The following NDUFAF6 variants were observed in gnomAD, a reference collection of about 807,000 sequenced individuals.
NDUFAF6 encodes NADH dehydrogenase (ubiquinone) complex I, assembly factor 6.
NDUFAF6 carries 45 observed loss-of-function variants against 40.8 expected under a neutral mutation model. That is an observed-to-expected ratio of 1.10 (90% confidence interval 0.87 to 1.42). The LOEUF (loss-of-function observed/expected upper bound fraction) is 1.42. Among genes scored for constraint, NDUFAF6 ranks in the 40% most tolerant of loss-of-function variants. The pLI is 0.00. For missense variants in NDUFAF6, 435 were observed against 418.5 expected, an observed-to-expected ratio of 1.04 and a Z score of -0.34; for synonymous variants, 185 against 155.9, an observed-to-expected ratio of 1.19 and a Z score of -1.39.
At position 95,109,924 on chromosome 8, in the gene NDUFAF6, C is replaced by A. The variant is rs147155430; in HGVS notation, n.345-5612C>A. On this transcript the variant is annotated intron_variant and non_coding_transcript_variant, in intron 4 of 5. Transcript: ENST00000523184. Reference sequence around the variant, plus strand: ...ACAAAAAAATTGTGAAGTTGTGTACCAGTATGTTCTTATAAGTATTCTTCT... The same window carrying A: ...ACAAAAAAATTGTGAAGTTGTGTACAAGTATGTTCTTATAAGTATTCTTCT... Among the ~76,000 whole-genome samples, 335 of 152,228 alleles carry A rather than the reference C, an allele frequency of 2.2e-3. 3 individuals are homozygous for A. The highest frequency in any genetic ancestry group is 7.7e-3 in the African/African-American group (319 of 41,552).
At chr8:94,970,524 G>C (rs933061222) in intron 1 of NDUFAF6, among the ~76,000 whole-genome samples, 1 of 152,044 alleles carries the variant, frequency 6.6e-6, no homozygotes, top group Non-Finnish European at 1.5e-5. Context: ...CTAGGAGTTC[G>C]AGGTTATAGT....
At chr8:94,988,293 A>G (rs993114195) in intron 2 of NDUFAF6, 5 of 152,178 alleles carry the variant, frequency 3.3e-5, no homozygotes, top group African/African-American at 1.2e-4. Flanking sequence ...CTAAACTGTG[A>G]TGGTTGTTGA....
At chr8:94,934,581 C>T (rs768958476) in intron 1 of NDUFAF6, among the ~76,000 whole-genome samples, 8 of 151,950 alleles carry the variant, frequency 5.3e-5, no homozygotes, top group Non-Finnish European at 1.2e-4. Context: ...GGGGTTTTGC[C>T]ATGTTGTCCA....
chr8:95,057,769 T>C (rs777071871), intron 8 of NDUFAF6, 40 bp from the exon 9 acceptor site: 26 of 1,472,332 alleles, frequency 1.8e-5, no homozygotes, highest in Non-Finnish European at 2.4e-5. Context: ...TAAGTCTTGA[T>C]CATTTTATGA....
chr8:95,074,011 T>G (rs1412131158), intron 9 of NDUFAF6, among the ~76,000 whole-genome samples: 1 of 152,224 alleles, frequency 6.6e-6, no homozygotes, highest in Non-Finnish European at 1.5e-5. Flanking sequence ...ATAGAGTCCT[T>G]ATTTTTAGAA....
chr8:94,915,907 T>C (rs1305184828), intron 1 of NDUFAF6, among the ~76,000 whole-genome samples: 1 of 152,168 alleles, frequency 6.6e-6, no homozygotes, highest in African/African-American at 2.4e-5. Flanking sequence ...TGGAATTGTA[T>C]TGGGTGGTGG....
chr8:95,016,931 CTTTT>C (rs34316218), intron 2 of NDUFAF6, among the ~76,000 whole-genome samples: 2,664 of 107,986 alleles, frequency 0.025, 76 homozygotes, highest in African/African-American at 0.088. Flanking sequence ...TCCTCCTCCT[CTTTT>C]TTTTTTTTTT....
intron 3 of NDUFAF6, among the ~76,000 whole-genome samples, chr8:95,039,436 A>G (rs1193112885): frequency 6.6e-6 from 1 of 150,822 alleles, no homozygotes; most frequent in Non-Finnish European, 1.5e-5. Flanking sequence ...CTGGCGACAA[A>G]GCGAGACTCT....
intron 9 of NDUFAF6, among the ~76,000 whole-genome samples, chr8:95,069,789 A>C (rs1832792237): frequency 6.9e-6 from 1 of 145,708 alleles, no homozygotes; most frequent in East Asian, 1.9e-4. Context: ...TCAAAAAAAA[A>C]AAAAATTATA....
At chr8:94,992,510 TAA>T (rs1826240750) in intron 2 of NDUFAF6, among the ~76,000 whole-genome samples, 1 of 152,110 alleles carries the variant, frequency 6.6e-6, no homozygotes, top group Non-Finnish European at 1.5e-5. Context: ...AATGACATGT[TAA>T]AAAAGTTTAC....
intron 2 of NDUFAF6, among the ~76,000 whole-genome samples, chr8:94,995,318 G>T (rs1826376489): frequency 6.6e-6 from 1 of 152,240 alleles, no homozygotes. Flanking sequence ...TGGGAGGAAG[G>T]AGGGGCAATT....
chr8:95,001,184 G>A (rs1826717302), intron 2 of NDUFAF6, among the ~76,000 whole-genome samples: 1 of 151,992 alleles, frequency 6.6e-6, no homozygotes, highest in Admixed American at 6.6e-5. Flanking sequence ...TTGAACTCCT[G>A]AACTCAAGTG....
Position 94,978,155 on chromosome 8 carries a change from A to T in NDUFAF6, c.-198-2704A>T, listed in dbSNP as rs559031567. Reference sequence around the variant, plus strand: ...AACTGGTCAGCAGAAAGACCAAGCCATGATTAGAAGCTTGGAACATTCAGT... The same window carrying T: ...AACTGGTCAGCAGAAAGACCAAGCCTTGATTAGAAGCTTGGAACATTCAGT... On this transcript the variant is annotated intron_variant, in intron 1 of 9. Transcript: ENST00000396111. Among the ~76,000 whole-genome samples, 8 of 152,248 alleles carry T rather than the reference A, an allele frequency of 5.3e-5. No individual in the cohort carries two copies. The South Asian group carries it at 6.2e-4, about 12-fold the overall frequency.
chr8:94,900,973 TAG>T (rs1467542609), intron 1 of NDUFAF6, among the ~76,000 whole-genome samples: 1 of 152,096 alleles, frequency 6.6e-6, no homozygotes, highest in African/African-American at 2.4e-5. Flanking sequence ...GGGAATGTCA[TAG>T]AAACTAATAA....
At position 95,112,378 on chromosome 8, in the gene NDUFAF6, G is replaced by A. The variant is rs1810021076; in HGVS notation, n.345-3158G>A. Reference sequence around the variant, plus strand: ...TGACAGGTGTCCTTATAAGAGAAAGGCAGAGGAGATTTAAGATGCAGAGAC... The same window carrying A: ...TGACAGGTGTCCTTATAAGAGAAAGACAGAGGAGATTTAAGATGCAGAGAC... On this transcript the variant is annotated intron_variant and non_coding_transcript_variant, in intron 4 of 5. Transcript: ENST00000523184. Among the ~76,000 whole-genome samples, 5 of 152,152 alleles carry A rather than the reference G, an allele frequency of 3.3e-5. 1 individual carries two copies. The highest frequency in any genetic ancestry group is 4.1e-4 in the South Asian group (2 of 4,830).
chr8:94,948,948 C>G (rs1407525536), intron 2 of NDUFAF6, among the ~76,000 whole-genome samples: 1 of 150,798 alleles, frequency 6.6e-6, no homozygotes. Flanking sequence ...CCCCGGGGGC[C>G]GCCGAGGACC....
chr8:95,075,791 A>C, exon 10 of NDUFAF6: 2 of 950,410 alleles, frequency 2.1e-6, no homozygotes, highest in South Asian at 2.7e-5. Context: ...AACTAGCTCT[A>C]GGCCAATCTT....
chr8:95,085,357 A>G (rs1388246306), intron 2 of NDUFAF6, among the ~76,000 whole-genome samples: 3 of 152,214 alleles, frequency 2.0e-5, no homozygotes, highest in Non-Finnish European at 4.4e-5. Flanking sequence ...ACACTTTACC[A>G]AAGGCTTAAA....
chr8:95,006,549 T>C (rs945520440), intron 2 of NDUFAF6, among the ~76,000 whole-genome samples: 25 of 152,112 alleles, frequency 1.6e-4, no homozygotes, highest in Admixed American at 1.6e-3. Flanking sequence ...GCTATTGTTA[T>C]AAGTTTACCA....
Sources: allele counts gnomAD v4.1 joint callset (sites outside exome capture counted in the v4.1 genomes callset), GRCh38; gene constraint gnomAD v4.1.1; transcripts MANE v1.5; gene names NCBI Gene and HGNC (gene_info 2026-07-23, HGNC 2026-07-21).